The following IQSEC1 variants were observed in gnomAD, a reference collection of about 807,000 sequenced individuals.
IQSEC1 encodes the protein IQ motif and Sec7 domain ArfGEF 1.
In IQSEC1, 31 loss-of-function variants were observed where a neutral mutation model predicts 91.0. The observed-to-expected ratio is 0.34, with a 90% CI of 0.26 to 0.46. The LOEUF is 0.46. Among genes scored for constraint, IQSEC1 ranks in the 20% least tolerant of loss-of-function variants. The pLI is 1.00. For synonymous variants in IQSEC1, 699 were observed against 662.6 expected (o/e 1.05, Z -0.84); for missense variants, 1,388 against 1,575.6 (o/e 0.88, Z 2.02).
In IQSEC1 at chr3:12,920,533, G is replaced by A; in HGVS notation, c.1917C>T (p.Phe639=). ...VRQFRNPDTI[F]ILAFAIILLN... Reference sequence around the variant, plus strand: ...GCAGGATGATGGCGAAGGCCAGGATGAAAATGGTGTCTGGGTTCCGGAATT... The same window carrying A: ...GCAGGATGATGGCGAAGGCCAGGATAAAAATGGTGTCTGGGTTCCGGAATT... The change falls in exon 6 of 14, where the codon TTC becomes TTT. Residue 639 remains phenylalanine (F), a synonymous_variant. Coordinates refer to ENST00000613206, the MANE Select transcript of IQSEC1 (RefSeq NM_001134382.3). 1 of 1,614,236 alleles carries A rather than the reference G, an allele frequency of 6.2e-7. No individual in the cohort carries two copies. The highest frequency in any genetic ancestry group is 8.5e-7 in the Non-Finnish European group (1 of 1,180,042).
intron 1 of IQSEC1, among the ~76,000 whole-genome samples, chr3:13,261,854 C>T (rs1478807478): frequency 1.3e-5 from 2 of 152,196 alleles, no homozygotes; most frequent in Admixed American, 1.3e-4. Context: ...TGGCTGCGTC[C>T]CTAGCAGGTG....
intron 1 of IQSEC1, among the ~76,000 whole-genome samples, chr3:12,971,401 TATTA>T (rs1217511530): frequency 3.9e-5 from 6 of 152,148 alleles, no homozygotes; most frequent in Non-Finnish European, 8.8e-5. Flanking sequence ...TGCCCAAGGA[TATTA>T]ATTATTTGAA....
At chr3:13,000,985 C>T (rs1702398434) in intron 1 of IQSEC1, among the ~76,000 whole-genome samples, 1 of 133,684 alleles carries the variant, frequency 7.5e-6, no homozygotes, top group African/African-American at 2.9e-5. Context: ...GAGGCGTGTG[C>T]TGTCACTCAG....
intron 2 of IQSEC1, among the ~76,000 whole-genome samples, chr3:13,119,808 A>C (rs1201687652): frequency 6.6e-6 from 1 of 152,024 alleles, no homozygotes. Flanking sequence ...AGCCCAGATA[A>C]GATGGAGCTT....
chr3:12,911,594 G>A (rs1695564051), intron 10 of IQSEC1, 35 bp downstream of exon 10: 2 of 1,470,250 alleles, frequency 1.4e-6, no homozygotes, highest in African/African-American at 2.8e-5. Context: ...GCTGGGACAT[G>A]CGCTCTTCCA....
intron 1 of IQSEC1, among the ~76,000 whole-genome samples, chr3:13,198,619 G>A (rs1694178980): frequency 6.6e-6 from 1 of 152,136 alleles, no homozygotes; most frequent in South Asian, 2.1e-4. Context: ...ACCTACAGCC[G>A]GGATCATACC....
chr3:13,274,673 T>C (rs1027482558), intron 1 of IQSEC1, among the ~76,000 whole-genome samples: 1 of 152,192 alleles, frequency 6.6e-6, no homozygotes, highest in African/African-American at 2.4e-5. Context: ...CAAGTGTTCA[T>C]CTCAGCGGAG....
rs145736930 is a variant in IQSEC1 at position 13,047,672 on chromosome 3, G to T, written c.23+25320C>A. The stretch of plus-strand genomic sequence containing the variant: ...CCTGGGAAGAGCGTCTGCCCCACAT[G>T]CAAGAAACCATGTGCTTTCTTTCCC... On this transcript the variant is annotated intron_variant, in intron 1 of 13. Coordinates refer to ENST00000613206, the MANE Select transcript of IQSEC1 (RefSeq NM_001134382.3). 822 of 179,266 alleles carry T rather than the reference G, an allele frequency of 4.6e-3. 5 individuals are homozygous for T. Among genetic ancestry groups the T allele is most frequent in the African/African-American group, 0.018 (739 of 41,886 alleles). 11.1% of individuals were successfully genotyped at this position (179,266 alleles called of 1,614,324 possible). A position where few individuals can be genotyped will look rare whatever the true frequency, so the allele number is the denominator to read the frequency against.
intron 1 of IQSEC1, among the ~76,000 whole-genome samples, chr3:12,962,766 G>C (rs1253589083): frequency 6.6e-6 from 1 of 152,252 alleles, no homozygotes; most frequent in Non-Finnish European, 1.5e-5. Context: ...AAAGGACACT[G>C]TCCCAGAATC....
Position 13,257,389 on chromosome 3 carries a change from A to G in IQSEC1, c.272+25322T>C, listed in dbSNP as rs142836535. ...CACCCAGTTTCTCAGCCCACACTGA[A>G]CCCCACGCTGTGGGTCCCACATTTG... On this transcript the variant is annotated intron_variant, in intron 1 of 15. Coordinates refer to the IQSEC1 transcript ENST00000648114. 6.4e-3 allele frequency among the ~76,000 whole-genome samples: 972 copies of G among 152,222 alleles called. 13 individuals carry two copies. Among genetic ancestry groups the G allele is most frequent in the African/African-American group, 0.022 (915 of 41,530 alleles).
At chr3:13,203,131 T>A (rs1028835711) in intron 1 of IQSEC1, among the ~76,000 whole-genome samples, 1 of 151,806 alleles carries the variant, frequency 6.6e-6, no homozygotes, top group Non-Finnish European at 1.5e-5. Context: ...AGGGTATTCA[T>A]TCCTGCTGCT....
chr3:13,060,911 C>A (rs1473167367), intron 1 of IQSEC1, among the ~76,000 whole-genome samples: 1 of 152,156 alleles, frequency 6.6e-6, no homozygotes, highest in East Asian at 1.9e-4. Context: ...CAGGGGGGAG[C>A]CTTGAGAGGA....
In IQSEC1 at chr3:13,154,071, A is replaced by C. The variant is rs532498412; in HGVS notation, c.302+10033T>G. ...AAGGACAGCAGCACTGGGTGACCAC[A>C]CATTGGCCTGTTATGCATATAGAAA... On this transcript the variant is annotated intron_variant, in intron 2 of 15. Coordinates refer to the IQSEC1 transcript ENST00000648114. Among the ~76,000 whole-genome samples the C allele has an allele frequency of 5.1e-4, 77 of 152,230 alleles. 1 individual carries two copies. The highest frequency in any genetic ancestry group is 1.8e-3 in the African/African-American group (76 of 41,550).
intron 3 of IQSEC1, among the ~76,000 whole-genome samples, chr3:12,933,089 G>C (rs907464031): frequency 6.6e-6 from 1 of 151,832 alleles, no homozygotes; most frequent in Admixed American, 6.6e-5. Flanking sequence ...TGGGAACTGA[G>C]AGCTGTGCTG....
intron 2 of IQSEC1, among the ~76,000 whole-genome samples, chr3:13,163,078 G>A (rs1193802423): frequency 6.6e-6 from 1 of 152,068 alleles, no homozygotes; most frequent in Non-Finnish European, 1.5e-5. Flanking sequence ...CCTGGACTCT[G>A]GTTCCCTGGA....
At position 13,116,350 on chromosome 3, in the gene IQSEC1, A is replaced by G. The variant is rs559072747; in HGVS notation, c.302+47754T>C. Among the ~76,000 whole-genome samples, 19 of 152,376 alleles carry G rather than the reference A, an allele frequency of 1.2e-4. No homozygotes were observed. The South Asian group carries it at 3.9e-3, about 32-fold the overall frequency. On this transcript the variant is annotated intron_variant, in intron 2 of 15. Transcript: ENST00000648114. ...CTGACTCTGCCCATTCTCTCTAGAA[A>G]GCAGCCACAGACAATATATAAATGA...
intron 1 of IQSEC1, among the ~76,000 whole-genome samples, chr3:13,234,106 C>T (rs1019015676): frequency 2.6e-5 from 4 of 152,250 alleles, no homozygotes; most frequent in African/African-American, 4.8e-5. Context: ...TGTCTAATTT[C>T]GTGCTTCAAA....
intron 2 of IQSEC1, among the ~76,000 whole-genome samples, chr3:13,080,383 G>A (rs867914600): frequency 2.6e-5 from 4 of 152,102 alleles, no homozygotes; most frequent in Non-Finnish European, 4.4e-5. Context: ...CCACCTGCTC[G>A]TCGACTGGGT....
At chr3:13,159,677 G>A (rs1021487597) in intron 2 of IQSEC1, among the ~76,000 whole-genome samples, 4 of 152,140 alleles carry the variant, frequency 2.6e-5, no homozygotes, top group Non-Finnish European at 5.9e-5. Context: ...CAAGGGTGCG[G>A]GTGGTTGTGC....
Sources: gnomAD v4.1 joint callset for allele counts (sites outside exome capture counted in the v4.1 genomes callset) on GRCh38, gnomAD v4.1.1 for gene constraint, MANE v1.5 for transcripts, NCBI Gene and HGNC (gene_info 2026-07-23, HGNC 2026-07-21) for gene names.